Variants in SCHIP1 observed in about 807,000 individuals in gnomAD.
SCHIP1 encodes the protein schwannomin interacting protein 1, also known as schwannomin-interacting protein 1.
Under a neutral mutation model 29.7 loss-of-function variants are expected in SCHIP1, and 8 were observed. The observed-to-expected ratio is 0.27, with a 90% CI of 0.16 to 0.49. SCHIP1 has a LOEUF of 0.49. SCHIP1 is among the 20% of genes least tolerant of loss of function. SCHIP1 has a pLI of 0.99. For missense variants in SCHIP1, 193 were observed against 294.6 expected, an observed-to-expected ratio of 0.66 and a Z score of 2.52; for synonymous variants, 76 against 94.9, an observed-to-expected ratio of 0.80 and a Z score of 1.16.
chr3:159,694,593 AAAGAAAGAAAG>A, the SCHIP1 span, among the ~76,000 whole-genome samples: 1 of 128,784 alleles, frequency 7.8e-6, no homozygotes, highest in Non-Finnish European at 1.8e-5. Context: ...AGAAAGAAAG[AAAGAAAGAAAG>A]AAAGGAATTA....
At chr3:159,612,015 T>A in the SCHIP1 span, among the ~76,000 whole-genome samples, 3 of 152,186 alleles carry the variant, frequency 2.0e-5, no homozygotes, top group Non-Finnish European at 2.9e-5. Context: ...CAGGTAAGAA[T>A]GATTAATATT....
the SCHIP1 span, among the ~76,000 whole-genome samples, chr3:159,502,038 A>G: frequency 1.4e-4 from 22 of 152,356 alleles, no homozygotes; most frequent in African/African-American, 5.0e-4. Context: ...AGTTAGTTCC[A>G]CTGGCAAACT....
the SCHIP1 span, among the ~76,000 whole-genome samples, chr3:159,578,226 C>A: frequency 6.6e-6 from 1 of 152,170 alleles, no homozygotes; most frequent in Admixed American, 6.6e-5. Flanking sequence ...ACAGTAGCCA[C>A]CAGTCACACA....
At chr3:159,485,404 A>G in the SCHIP1 span, among the ~76,000 whole-genome samples, 2 of 152,236 alleles carry the variant, frequency 1.3e-5, no homozygotes, top group Non-Finnish European at 2.9e-5. Flanking sequence ...TCGATGGGGA[A>G]AAAACATTCT....
the SCHIP1 span, among the ~76,000 whole-genome samples, chr3:159,637,374 CACACA>C: frequency 6.4e-4 from 24 of 37,236 alleles, no homozygotes; most frequent in African/African-American, 5.1e-3. Context: ...GCCCCAGCCA[CACACA>C]CACACACACA....
chr3:159,445,392 G>A, the SCHIP1 span, among the ~76,000 whole-genome samples: 1 of 151,184 alleles, frequency 6.6e-6, no homozygotes, highest in Non-Finnish European at 1.5e-5. Flanking sequence ...TGCTGGAGAG[G>A]ATGTGGAGAA....
the SCHIP1 span, among the ~76,000 whole-genome samples, chr3:159,339,139 G>A: frequency 6.6e-6 from 1 of 151,740 alleles, no homozygotes; most frequent in African/African-American, 2.4e-5. Context: ...TCTGTTTTGT[G>A]CATGGCTATT....
chr3:159,467,172 G>T, the SCHIP1 span, among the ~76,000 whole-genome samples: 113 of 152,076 alleles, frequency 7.4e-4, no homozygotes, highest in South Asian at 1.7e-3. Context: ...TATGCAATAT[G>T]CCATAAATAT....
At chr3:159,738,911 G>A in the SCHIP1 span, among the ~76,000 whole-genome samples, 1 of 152,198 alleles carries the variant, frequency 6.6e-6, no homozygotes, top group Admixed American at 6.5e-5. Context: ...TCTGGGAATG[G>A]AGCATTCTAG....
At chr3:159,548,545 A>G in the SCHIP1 span, among the ~76,000 whole-genome samples, 4 of 151,972 alleles carry the variant, frequency 2.6e-5, no homozygotes, top group East Asian at 7.7e-4. Flanking sequence ...AATGATATAT[A>G]TCTTAACCTT....
the SCHIP1 span, among the ~76,000 whole-genome samples, chr3:159,657,199 A>T: frequency 2.0e-5 from 3 of 152,340 alleles, no homozygotes; most frequent in African/African-American, 7.2e-5. Flanking sequence ...AATTAATGTA[A>T]GTGACCATCT....
At chr3:159,620,768 A>C in the SCHIP1 span, among the ~76,000 whole-genome samples, 1 of 152,216 alleles carries the variant, frequency 6.6e-6, no homozygotes, top group East Asian at 1.9e-4. Flanking sequence ...TTGGGTGTAG[A>C]GATCAGTTGA....
At chr3:159,506,946 C>T in the SCHIP1 span, among the ~76,000 whole-genome samples, 7 of 152,214 alleles carry the variant, frequency 4.6e-5, no homozygotes, top group South Asian at 2.1e-4. Context: ...CCTGGCAATG[C>T]GGGCTCTTCT....
At chr3:159,282,524 T>A in the SCHIP1 span, 3 of 151,946 alleles carry the variant, frequency 2.0e-5, no homozygotes, top group East Asian at 4.0e-4. Context: ...TTCACCTATA[T>A]ATTTTTGTGT....
the SCHIP1 span, among the ~76,000 whole-genome samples, chr3:159,660,618 G>GT: frequency 2.0e-5 from 3 of 152,062 alleles, no homozygotes; most frequent in Middle Eastern, 3.2e-3. Context: ...AGCAAAGAAT[G>GT]TTTTTTTAAA....
chr3:159,415,526 T>C, the SCHIP1 span, among the ~76,000 whole-genome samples: 1 of 152,274 alleles, frequency 6.6e-6, no homozygotes. Context: ...TTGAATTCCC[T>C]TCTATAAGTG....
chr3:159,742,902 G>T, the SCHIP1 span, among the ~76,000 whole-genome samples: 1 of 146,658 alleles, frequency 6.8e-6, no homozygotes, highest in Non-Finnish European at 1.5e-5. Context: ...GGCCAGCCTG[G>T]TCTCAAACTC....
the SCHIP1 span, among the ~76,000 whole-genome samples, chr3:159,494,965 T>G: frequency 1.3e-5 from 2 of 152,138 alleles, no homozygotes. Flanking sequence ...CCAAAATCAA[T>G]AAATGTAATC....
At chr3:159,766,144 G>A in the SCHIP1 span, among the ~76,000 whole-genome samples, 2 of 152,258 alleles carry the variant, frequency 1.3e-5, no homozygotes. Context: ...GAAGGGCGTA[G>A]TTGAAAGGAG....
Sources: allele counts gnomAD v4.1 joint callset (sites outside exome capture counted in the v4.1 genomes callset), GRCh38; gene constraint gnomAD v4.1.1; transcripts MANE v1.5; gene names NCBI Gene and HGNC (gene_info 2026-07-23, HGNC 2026-07-21).